The following PIEZO2 variants were observed in gnomAD, a reference collection of about 807,000 sequenced individuals.
PIEZO2 encodes the protein piezo-type mechanosensitive ion channel component 2.
In PIEZO2, 172 loss-of-function variants were observed where a neutral mutation model predicts 337.3. The observed-to-expected ratio is 0.51, with a 90% CI of 0.45 to 0.58. PIEZO2 has a LOEUF of 0.58. Ranked by LOEUF, PIEZO2 falls within the 20% of genes least tolerant of loss-of-function variation. PIEZO2 has a pLI of 0.00. For synonymous variants in PIEZO2, 1,251 were observed against 1,228.5 expected, an observed-to-expected ratio of 1.02 and a Z score of -0.38; for missense variants, 3,028 against 3,391.3, an observed-to-expected ratio of 0.89 and a Z score of 2.66.
intron 26 of PIEZO2, 83 bp from the exon 27 acceptor site, chr18:10,758,217 C>T: frequency 1.4e-6 from 2 of 1,389,940 alleles, no homozygotes; most frequent in Non-Finnish European, 9.6e-7. Context: ...CACACAGCAA[C>T]AGCCATTCCC....
Position 10,726,329 on chromosome 18 carries a change from GC to G in PIEZO2, c.5029+5077del. 7.0e-7 allele frequency: 1 copy of G among 1,419,678 alleles called. No homozygotes were observed. Among genetic ancestry groups the G allele is most frequent in the Non-Finnish European group, 9.4e-7 (1 of 1,059,748 alleles). The allele number at this position is 1,419,678 out of a possible 1,614,324, so 87.9% of individuals were successfully genotyped here. ...AGGTGGAGCAGGTGGGTCCCCGAAC[GC>G]CCCGCCCAGCGCTGCCTCCCTTCGC... On this transcript the variant is annotated intron_variant, in intron 36 of 55. Coordinates refer to ENST00000674853, the MANE Select transcript of PIEZO2 (RefSeq NM_001378183.1). The surrounding 1 kb of genome is among the most constrained non-coding windows in gnomAD (Gnocchi z 5.9).
intron 1 of PIEZO2, among the ~76,000 whole-genome samples, chr18:11,087,494 G>A (rs1022157300): frequency 1.3e-5 from 2 of 152,092 alleles, no homozygotes; most frequent in East Asian, 3.9e-4. Context: ...TATTTTTCCT[G>A]TGCAAATGGG....
chr18:10,986,947 A>G (rs2034899509), intron 2 of PIEZO2, among the ~76,000 whole-genome samples: 1 of 152,088 alleles, frequency 6.6e-6, no homozygotes, highest in Non-Finnish European at 1.5e-5. Flanking sequence ...AAAATAAACA[A>G]AACGACTTAC....
Position 11,051,345 on chromosome 18 carries a change from A to ATGTGTGTGTGTGTGTG in PIEZO2, c.160+14766_160+14781dup, listed in dbSNP as rs144159846. Among the ~76,000 whole-genome samples, 984 of 146,846 alleles carry ATGTGTGTGTGTGTGTG rather than the reference A, an allele frequency of 6.7e-3. 18 individuals carry two copies. The highest frequency in any genetic ancestry group is 0.06 in the East Asian group (302 of 4,998). ...CCTTAGACAGCAACCATCACTTAGG[A>ATGTGTGTGTGTGTGTG]TGTGTGTGTGTGTGTGTGTGTGTGG... On this transcript the variant is annotated intron_variant, in intron 2 of 55. Coordinates refer to ENST00000674853, the MANE Select transcript of PIEZO2 (RefSeq NM_001378183.1).
rs905002368 is a variant in PIEZO2 at position 10,996,982 on chromosome 18, T to A, written c.161-17322A>T. Among the ~76,000 whole-genome samples, 12 of 151,746 alleles carry A rather than the reference T, an allele frequency of 7.9e-5. No homozygotes were observed. In the East Asian group the frequency reaches 1.9e-3, roughly 24 times the overall value. On this transcript the variant is annotated intron_variant, in intron 2 of 55. Coordinates refer to ENST00000674853, the MANE Select transcript of PIEZO2 (RefSeq NM_001378183.1). ...CCTTATGAGAAGAGAGCAAGAAAAA[T>A]TATCATCTAATTTGTTATAAATCAA... is the stretch of plus-strand genomic sequence containing the variant.
chr18:11,060,004 G>A (rs940118195), intron 2 of PIEZO2, among the ~76,000 whole-genome samples: 1 of 152,092 alleles, frequency 6.6e-6, no homozygotes, highest in Non-Finnish European at 1.5e-5. Flanking sequence ...CACATAGTTG[G>A]AAGTAAAGCA....
chr18:10,696,961 G>A (rs1235052623), intron 45 of PIEZO2, among the ~76,000 whole-genome samples: 1 of 152,184 alleles, frequency 6.6e-6, no homozygotes, highest in Non-Finnish European at 1.5e-5. Context: ...GGGCCAAGGT[G>A]GGAAGTAAAT....
In PIEZO2 at chr18:10,767,756, G is replaced by A. The variant is rs2038425405; in HGVS notation, c.2946+2392C>T. On this transcript the variant is annotated intron_variant, in intron 21 of 55. Transcript: ENST00000674853. The surrounding 1 kb of genome is among the most constrained non-coding windows in gnomAD (Gnocchi z 4.2). ...GAGCACCCAGAGCTGCTCCAAGGCTGCGGGGAAGGCTGTCTGGAAGGGCAG... is the reference window on the plus strand; with the variant it reads ...GAGCACCCAGAGCTGCTCCAAGGCTACGGGGAAGGCTGTCTGGAAGGGCAG... Among the ~76,000 whole-genome samples, 1 of 152,212 alleles carries A rather than the reference G, an allele frequency of 6.6e-6. No homozygotes were observed. The highest frequency in any genetic ancestry group is 1.5e-5 in the Non-Finnish European group (1 of 68,040).
At chr18:11,089,038 A>G (rs2038991156) in intron 1 of PIEZO2, among the ~76,000 whole-genome samples, 2 of 152,196 alleles carry the variant, frequency 1.3e-5, no homozygotes, top group African/African-American at 4.8e-5. Flanking sequence ...AGCAGTTATC[A>G]GTCTGTCTAG....
At position 11,035,922 on chromosome 18, in the gene PIEZO2, A is replaced by G. The variant is rs2036912119; in HGVS notation, c.160+30205T>C. Among the ~76,000 whole-genome samples, 1 of 152,216 alleles carries G rather than the reference A, an allele frequency of 6.6e-6. No homozygotes were observed. Among genetic ancestry groups the G allele is most frequent in the African/African-American group, 2.4e-5 (1 of 41,458 alleles). On this transcript the variant is annotated intron_variant, in intron 2 of 55. Transcript: ENST00000674853. The surrounding 1 kb of genome is among the most constrained non-coding windows in gnomAD (Gnocchi z 4.3). ...GAACTCCAAATCTCTGCCACTTCCTATGTTTGCTTGTTAGCAAGAAGTCCA... is the reference window on the plus strand; with the variant it reads ...GAACTCCAAATCTCTGCCACTTCCTGTGTTTGCTTGTTAGCAAGAAGTCCA...
intron 2 of PIEZO2, among the ~76,000 whole-genome samples, chr18:11,049,487 C>G (rs1267211476): frequency 6.6e-6 from 1 of 152,088 alleles, no homozygotes; most frequent in East Asian, 1.9e-4. Flanking sequence ...AAACTGACAC[C>G]AACTCAAGTG....
chr18:11,076,125 T>G (rs1001688071), intron 1 of PIEZO2, among the ~76,000 whole-genome samples: 33 of 152,248 alleles, frequency 2.2e-4, no homozygotes, highest in African/African-American at 8.0e-4. Context: ...CTCTCCCATT[T>G]AGTCATGTTT....
intron 30 of PIEZO2, among the ~76,000 whole-genome samples, chr18:10,745,279 C>A (rs2037377994): frequency 6.6e-6 from 1 of 152,146 alleles, no homozygotes; most frequent in African/African-American, 2.4e-5. Context: ...TCTCTTCTTG[C>A]ATTTCCAATC....
Position 10,830,087 on chromosome 18 carries a change from T to C in PIEZO2, c.918-22813A>G, listed in dbSNP as rs1598547914. Reference sequence around the variant, plus strand: ...TAACCAAAACAGTATGGTACTGGCATAAAAACAGACACACAGACCAATGGA... The same window carrying C: ...TAACCAAAACAGTATGGTACTGGCACAAAAACAGACACACAGACCAATGGA... On this transcript the variant is annotated intron_variant, in intron 7 of 55. Coordinates refer to ENST00000674853, the MANE Select transcript of PIEZO2 (RefSeq NM_001378183.1). This position sits in a 1 kb window ranked among gnomAD's most constrained non-coding sequence, Gnocchi z 4.7. Among the ~76,000 whole-genome samples, 1 of 152,222 alleles carries C rather than the reference T, an allele frequency of 6.6e-6. No individual in the cohort carries two copies. The highest frequency in any genetic ancestry group is 2.4e-5 in the African/African-American group (1 of 41,550).
At chr18:11,140,614 T>G (rs963150468) in intron 1 of PIEZO2, among the ~76,000 whole-genome samples, 1 of 152,122 alleles carries the variant, frequency 6.6e-6, no homozygotes, top group African/African-American at 2.4e-5. Flanking sequence ...CAAAGATGGG[T>G]GTTAGTGTAG....
At chr18:10,881,987 C>G (rs1168348426) in intron 4 of PIEZO2, among the ~76,000 whole-genome samples, 1 of 152,188 alleles carries the variant, frequency 6.6e-6, no homozygotes, top group East Asian at 1.9e-4. Flanking sequence ...ATTCCAACAT[C>G]CAGATCTCTG....
intron 30 of PIEZO2, among the ~76,000 whole-genome samples, chr18:10,744,517 C>T (rs1399889988): frequency 1.3e-5 from 2 of 152,108 alleles, no homozygotes; most frequent in African/African-American, 2.4e-5. Flanking sequence ...TTGACACCCA[C>T]GAGCCTCTTC....
chr18:11,123,950 A>AG (rs1405519527), intron 1 of PIEZO2, among the ~76,000 whole-genome samples: 1 of 152,204 alleles, frequency 6.6e-6, no homozygotes, highest in Middle Eastern at 3.2e-3. Context: ...ACAAAGGAAA[A>AG]GTATGTGAGA....
chr18:10,765,934 A>G (rs1208441282), intron 21 of PIEZO2, among the ~76,000 whole-genome samples: 3 of 152,266 alleles, frequency 2.0e-5, no homozygotes, highest in East Asian at 3.9e-4. Flanking sequence ...AAGAGAAAGG[A>G]GAGCTTCAAT....
Sources: allele counts gnomAD v4.1 joint callset (sites outside exome capture counted in the v4.1 genomes callset), GRCh38; gene constraint gnomAD v4.1.1; non-coding constraint Gnocchi (gnomAD v3.1); transcripts MANE v1.5; gene names NCBI Gene and HGNC (gene_info 2026-07-23, HGNC 2026-07-21).